The following HIVEP3 variants were observed in gnomAD, a reference collection of about 807,000 sequenced individuals.
HIVEP3 encodes the protein HIVEP zinc finger 3.
In HIVEP3, 49 loss-of-function variants were observed where a neutral mutation model predicts 152.8. That is an observed-to-expected ratio of 0.32 (90% CI 0.26 to 0.41). The LOEUF (loss-of-function observed/expected upper bound fraction) is 0.41, where lower values mean the gene tolerates loss of function less well. HIVEP3 is among the 10% of genes least tolerant of loss of function. The pLI is 1.00. For missense variants in HIVEP3, 2,790 were observed against 3,103.3 expected (o/e 0.90, Z 2.40); for synonymous variants, 1,269 against 1,289.0 (o/e 0.98, Z 0.33).
rs1453550345 is a variant in HIVEP3 at position 41,583,411 on chromosome 1, C to T, written c.1387G>A (p.Glu463Lys). 2 of 1,613,800 alleles carry T rather than the reference C, an allele frequency of 1.2e-6. No homozygotes were observed. Among genetic ancestry groups the T allele is most frequent in the Non-Finnish European group, 8.5e-7 (1 of 1,179,958 alleles). ...ATGGTGATGAGCTTCGTGATGTGCT[C>T]GATCACCTGCGTCCGGGGTACAGAC... ...PLSVPRTQVI[E>K]HITKLITINE... Residue 463 changes from glutamate (E) to lysine (K), a missense_variant, in exon 4 of 9, where the codon GAG (glutamate) becomes AAG (lysine). By Grantham distance (56) the Glu-to-Lys change is moderately conservative. This residue lies in a region of HIVEP3 where 134 missense variants were observed against 242.5 expected (regional missense o/e 0.55). Transcript: ENST00000372583. This position sits in a 1 kb window ranked among gnomAD's most constrained non-coding sequence, Gnocchi z 6.9.
chr1:42,028,704 G>T (rs1645595717), intron 1 of HIVEP3, among the ~76,000 whole-genome samples: 3 of 152,182 alleles, frequency 2.0e-5, no homozygotes. Flanking sequence ...GGAAATAAAT[G>T]CTGGGGATCT....
chr1:41,543,308 C>T (rs1418419600), intron 5 of HIVEP3: 1 of 152,188 alleles, frequency 6.6e-6, no homozygotes, highest in Non-Finnish European at 1.5e-5. Flanking sequence ...GACAGATGGA[C>T]AGATGGTTTT....
chr1:41,735,662 A>G (rs958131595), intron 1 of HIVEP3, among the ~76,000 whole-genome samples: 5 of 151,910 alleles, frequency 3.3e-5, no homozygotes, highest in Non-Finnish European at 7.4e-5. Context: ...GAGATTTGGG[A>G]CTCAGGCATT....
At position 41,720,535 on chromosome 1, in the gene HIVEP3, A is replaced by C. The variant is rs150651810; in HGVS notation, c.-800-19540T>G. Among the ~76,000 whole-genome samples the C allele has an allele frequency of 3.0e-3, 453 of 152,380 alleles. 1 individual carries two copies. The highest frequency in any genetic ancestry group is 5.1e-3 in the Non-Finnish European group (345 of 68,040). Reference sequence around the variant, plus strand: ...TTGAGGGAGCTACAGGTGAGACCAGAGTCAGGCTCTAATGTCAAGAGGCTC... The same window carrying C: ...TTGAGGGAGCTACAGGTGAGACCAGCGTCAGGCTCTAATGTCAAGAGGCTC... On this transcript the variant is annotated intron_variant, in intron 1 of 8. Transcript: ENST00000372583.
At position 41,581,180 on chromosome 1, in the gene HIVEP3, G is replaced by C; in HGVS notation, c.3618C>G (p.Pro1206=). 1 of 1,551,662 alleles carries C rather than the reference G, an allele frequency of 6.4e-7. No individual in the cohort carries two copies. The highest frequency in any genetic ancestry group is 1.3e-5 in the South Asian group (1 of 79,928). The change falls in exon 4 of 9, where the codon CCC becomes CCG. Residue 1206 remains proline, a synonymous_variant. Coordinates refer to ENST00000372583, the MANE Select transcript of HIVEP3 (RefSeq NM_024503.5). This position sits in a 1 kb window ranked among gnomAD's most constrained non-coding sequence, Gnocchi z 4.5. ...TGTTGGCTGGGTGAGGCATGAGCTG[G>C]GGGAGATGGAGTTGGCCTGGGTGCA... ...TVLHPGQLHL[P]QLMPHPANIP... is the part of the protein sequence containing the mutation.
chr1:41,687,777 T>C (rs1337725912), intron 2 of HIVEP3, among the ~76,000 whole-genome samples: 1 of 152,258 alleles, frequency 6.6e-6, no homozygotes, highest in Non-Finnish European at 1.5e-5. Flanking sequence ...AATAAAACAA[T>C]TCCCATATCT....
intron 5 of HIVEP3, among the ~76,000 whole-genome samples, chr1:41,572,635 A>G (rs1174740473): frequency 2.0e-5 from 3 of 152,222 alleles, no homozygotes; most frequent in Non-Finnish European, 2.9e-5. Context: ...GACACAGAGC[A>G]CCCAAAAGGC....
At chr1:42,012,848 A>G (rs938304532) in intron 1 of HIVEP3, among the ~76,000 whole-genome samples, 3 of 152,182 alleles carry the variant, frequency 2.0e-5, no homozygotes, top group Admixed American at 6.6e-5. Flanking sequence ...CTTCCAAACT[A>G]TGAGAAAGAA....
rs536691006 is a variant in HIVEP3, at chr1:41,802,721, A to T, written c.-800-101726T>A. 1.2e-4 allele frequency among the ~76,000 whole-genome samples: 19 copies of T among 152,296 alleles called. No homozygotes were observed. The East Asian group carries it at 3.7e-3, about 29-fold the overall frequency. On this transcript the variant is annotated intron_variant, in intron 1 of 8. Coordinates refer to ENST00000372583, the MANE Select transcript of HIVEP3 (RefSeq NM_024503.5). ...ACATGTAACAATTAAATGAGATACAAGTTGTGAAAATGACAGTCACATAGC... is the reference window on the plus strand; with the variant it reads ...ACATGTAACAATTAAATGAGATACATGTTGTGAAAATGACAGTCACATAGC...
intron 2 of HIVEP3, among the ~76,000 whole-genome samples, chr1:41,672,159 T>C (rs1645887429): frequency 6.6e-6 from 1 of 152,204 alleles, no homozygotes; most frequent in South Asian, 2.1e-4. Flanking sequence ...CCACTTTCCC[T>C]GTTGACTTCC....
At chr1:41,526,568 C>A in intron 5 of HIVEP3, among the ~76,000 whole-genome samples, 1 of 113,676 alleles carries the variant, frequency 8.8e-6, no homozygotes, top group Non-Finnish European at 1.8e-5. Flanking sequence ...CTCACACACC[C>A]TCACACATAC....
chr1:42,014,601 C>T lies in HIVEP3; in HGVS notation n.119+21206G>A, dbSNP rs75169663. On this transcript the variant is annotated intron_variant and non_coding_transcript_variant, in intron 1 of 3. Coordinates refer to the HIVEP3 transcript ENST00000489103. ...TCCTCTATTGTAGGTCCAGTGATGCCGATCTGTCCTCTCATTTCCATCAGC... is the reference window on the plus strand; with the variant it reads ...TCCTCTATTGTAGGTCCAGTGATGCTGATCTGTCCTCTCATTTCCATCAGC... 3.5e-3 allele frequency among the ~76,000 whole-genome samples: 540 copies of T among 152,186 alleles called. 1 individual carries two copies. Among genetic ancestry groups the T allele is most frequent in the African/African-American group, 0.013 (523 of 41,516 alleles).
At chr1:41,692,696 C>A (rs537939302) in intron 2 of HIVEP3, among the ~76,000 whole-genome samples, 1 of 152,154 alleles carries the variant, frequency 6.6e-6, no homozygotes, top group African/African-American at 2.4e-5. Flanking sequence ...TATGGATGTA[C>A]GCTTCTGTGC....
At chr1:42,031,056 T>C (rs1212531620) in intron 1 of HIVEP3, among the ~76,000 whole-genome samples, 1 of 152,226 alleles carries the variant, frequency 6.6e-6, no homozygotes, top group East Asian at 1.9e-4. Flanking sequence ...TCATGCGCCC[T>C]CAAAGTGGAG....
intron 1 of HIVEP3, among the ~76,000 whole-genome samples, chr1:41,754,947 T>C (rs1377993508): frequency 6.6e-6 from 1 of 152,166 alleles, no homozygotes; most frequent in African/African-American, 2.4e-5. Context: ...AGTTTGGTAA[T>C]ACGTTATCAC....
At chr1:41,942,337 T>C (rs963309847) in intron 1 of HIVEP3, among the ~76,000 whole-genome samples, 4 of 152,338 alleles carry the variant, frequency 2.6e-5, no homozygotes, top group African/African-American at 7.2e-5. Flanking sequence ...GCCTCCACAT[T>C]TAAAGTTGTT....
intron 1 of HIVEP3, among the ~76,000 whole-genome samples, chr1:41,762,828 C>T (rs768921855): frequency 5.9e-5 from 9 of 152,196 alleles, no homozygotes; most frequent in Admixed American, 2.0e-4. Context: ...GCTGGCAAAG[C>T]GGCACTGAAA....
At chr1:41,564,306 A>C (rs1167452492) in intron 5 of HIVEP3, among the ~76,000 whole-genome samples, 7 of 152,242 alleles carry the variant, frequency 4.6e-5, no homozygotes, top group Non-Finnish European at 1.0e-4. Flanking sequence ...AATGTGACAG[A>C]GGGTATGAAA....
intron 1 of HIVEP3, among the ~76,000 whole-genome samples, chr1:41,819,843 A>C (rs1336081272): frequency 1.3e-5 from 2 of 152,200 alleles, no homozygotes; most frequent in African/African-American, 4.8e-5. Flanking sequence ...CTCTTTAAAA[A>C]TTGTTAAGAG....
Sources: gnomAD v4.1 joint callset for allele counts (sites outside exome capture counted in the v4.1 genomes callset) on GRCh38, gnomAD v4.1.1 for gene constraint, gnomAD v4.1.1 regional missense constraint, Gnocchi (gnomAD v3.1) non-coding constraint, MANE v1.5 for transcripts, NCBI Gene and HGNC (gene_info 2026-07-23, HGNC 2026-07-21) for gene names.